Variants in DSCAML1 observed in about 807,000 individuals in gnomAD.
DSCAML1 encodes cell adhesion molecule DSCAML1.
DSCAML1 carries 38 observed loss-of-function variants against 200.5 expected under a neutral mutation model. That is an observed-to-expected ratio of 0.19 (90% CI 0.15 to 0.25). DSCAML1 has a LOEUF of 0.25. Among genes scored for constraint, DSCAML1 ranks in the 10% least tolerant of loss-of-function variants. The probability of loss-of-function intolerance (pLI) is 1.00; values close to 1 mark genes in which losing one functional copy is unlikely to be tolerated. For synonymous variants in DSCAML1, 1,215 were observed against 1,165.0 expected (o/e 1.04, Z -0.87); for missense variants, 2,223 against 2,858.8 (o/e 0.78, Z 5.07).
chr11:117,675,336 T>A (rs1180674755), intron 3 of DSCAML1, among the ~76,000 whole-genome samples: 1 of 152,176 alleles, frequency 6.6e-6, no homozygotes, highest in African/African-American at 2.4e-5. Context: ...CTCGCTCTGT[T>A]GCTCAGGCTG....
At chr11:117,750,795 A>G (rs2054593320) in intron 3 of DSCAML1, among the ~76,000 whole-genome samples, 1 of 152,202 alleles carries the variant, frequency 6.6e-6, no homozygotes. Flanking sequence ...ACCTGAATTA[A>G]TCACTCAGGT....
At chr11:117,702,174 T>C (rs1352831687) in intron 3 of DSCAML1, among the ~76,000 whole-genome samples, 5 of 152,194 alleles carry the variant, frequency 3.3e-5, no homozygotes, top group African/African-American at 1.2e-4. Flanking sequence ...TAGGATCATG[T>C]TGGTCTCCCT....
intron 3 of DSCAML1, among the ~76,000 whole-genome samples, chr11:117,552,896 A>G (rs2050493580): frequency 6.6e-6 from 1 of 152,174 alleles, no homozygotes; most frequent in Non-Finnish European, 1.5e-5. Flanking sequence ...TCTGCTTACT[A>G]CAAGTGCGCG....
intron 19 of DSCAML1, among the ~76,000 whole-genome samples, chr11:117,458,437 T>G (rs1403423637): frequency 1.3e-5 from 2 of 152,134 alleles, no homozygotes; most frequent in African/African-American, 4.8e-5. Context: ...GGCTGAATCT[T>G]GCAGGGGAGC....
intron 11 of DSCAML1, among the ~76,000 whole-genome samples, chr11:117,484,367 C>T (rs1403766172): frequency 6.6e-6 from 1 of 152,182 alleles, no homozygotes; most frequent in Non-Finnish European, 1.5e-5. Context: ...CCTCTGCTGC[C>T]TTGTCATGCA....
chr11:117,569,073 A>G (rs2050803775), intron 3 of DSCAML1, among the ~76,000 whole-genome samples: 2 of 152,212 alleles, frequency 1.3e-5, no homozygotes, highest in African/African-American at 4.8e-5. Context: ...CCGCATATCT[A>G]CAACTATCTG....
chr11:117,792,780 T>A (rs2055495277), intron 1 of DSCAML1, among the ~76,000 whole-genome samples: 1 of 152,124 alleles, frequency 6.6e-6, no homozygotes, highest in African/African-American at 2.4e-5. Context: ...CTCTTCACCC[T>A]CTTCTTCCTG....
At chr11:117,664,175 C>T (rs904647506) in intron 3 of DSCAML1, among the ~76,000 whole-genome samples, 1 of 152,242 alleles carries the variant, frequency 6.6e-6, no homozygotes, top group African/African-American at 2.4e-5. Context: ...GCGTTTCAGA[C>T]AAACAGCTCA....
intron 1 of DSCAML1, among the ~76,000 whole-genome samples, chr11:117,795,120 TG>T (rs35086765): frequency 0.21 from 32,282 of 152,080 alleles, 3,514 homozygotes; most frequent in Middle Eastern, 0.28. Context: ...GCCAGGCTCC[TG>T]GAAGGGGGAG....
At chr11:117,695,315 C>CTTT (rs753748981) in intron 3 of DSCAML1, among the ~76,000 whole-genome samples, 4,250 of 116,586 alleles carry the variant, frequency 0.036, 86 homozygotes, top group Middle Eastern at 0.057. Flanking sequence ...CTTTCTTTTT[C>CTTT]TTTTTTTTTT....
intron 11 of DSCAML1, among the ~76,000 whole-genome samples, chr11:117,486,184 T>G (rs2049045697): frequency 6.6e-6 from 1 of 152,174 alleles, no homozygotes; most frequent in Non-Finnish European, 1.5e-5. Context: ...AATCAGCCAA[T>G]TAGCTAAACT....
chr11:117,520,345 A>C (rs1354704843), intron 6 of DSCAML1, among the ~76,000 whole-genome samples: 2 of 152,186 alleles, frequency 1.3e-5, no homozygotes, highest in Non-Finnish European at 2.9e-5. Flanking sequence ...GAAACAAACA[A>C]ACAGGTAAAA....
Position 117,504,940 on chromosome 11 carries a change from C to T in DSCAML1, c.2166G>A (p.Met722Ile), listed in dbSNP as rs1344485654. The stretch of plus-strand genomic sequence containing the variant: ...GGGGCTTACCCTTGGCATGCTTCCA[C>T]ATGACCTTGGGTGGGGGGTAGCCGT... ...SVDGYPPPKV[M>I]WKHAKGSGNP... is the part of the protein sequence containing the mutation. The change falls in exon 10 of 33, where the codon ATG becomes ATA. Residue 722 changes from methionine (M) to isoleucine (I), a missense_variant. By Grantham distance (10) the Met-to-Ile change is conservative. Around this residue, in one of 7 missense-constraint regions of DSCAML1, gnomAD observed 212 missense variants for 368.0 expected, o/e 0.58. Coordinates refer to ENST00000651296, the MANE Select transcript of DSCAML1 (RefSeq NM_020693.4). The surrounding 1 kb of genome is among the most constrained non-coding windows in gnomAD (Gnocchi z 5.0). 6.2e-7 allele frequency: 1 copy of T among 1,609,862 alleles called. No individual in the cohort carries two copies. Among genetic ancestry groups the T allele is most frequent in the Non-Finnish European group, 8.5e-7 (1 of 1,177,340 alleles).
intron 3 of DSCAML1, among the ~76,000 whole-genome samples, chr11:117,538,868 G>A (rs1032975017): frequency 2.0e-4 from 31 of 152,172 alleles, no homozygotes; most frequent in Non-Finnish European, 2.1e-4. Context: ...TCCCACTGCA[G>A]TCTCTAGAGC....
In DSCAML1 at chr11:117,525,057, G is replaced by C. The variant is rs891296556; in HGVS notation, c.685C>G (p.Leu229Val). 2 of 1,579,448 alleles carry C rather than the reference G, an allele frequency of 1.3e-6. No homozygotes were observed. The highest frequency in any genetic ancestry group is 2.7e-5 in the African/African-American group (2 of 74,090). ...ACTTCCTGGGAGTGGAAGCCATCCA[G>C]GATGGTGGGGATCGACTCAGCAGGG... Reference protein sequence around the residue: ...TDPAESIPTILDGFHSQEVWA... With the variant: ...TDPAESIPTIVDGFHSQEVWA... The change falls in exon 5 of 33, where the codon CTG becomes GTG. Residue 229 changes from leucine to valine, a missense_variant. This residue lies in a region of DSCAML1 where 579 missense variants were observed against 721.5 expected (regional missense o/e 0.80). Coordinates refer to ENST00000651296, the MANE Select transcript of DSCAML1 (RefSeq NM_020693.4).
At chr11:117,548,032 C>A (rs2050407328) in intron 3 of DSCAML1, among the ~76,000 whole-genome samples, 3 of 152,234 alleles carry the variant, frequency 2.0e-5, no homozygotes, top group Non-Finnish European at 4.4e-5. Context: ...TCACTGCATA[C>A]TCGTCTCTAC....
At chr11:117,517,275 G>A (rs947314115) in intron 7 of DSCAML1, among the ~76,000 whole-genome samples, 15 of 152,210 alleles carry the variant, frequency 9.9e-5, no homozygotes, top group African/African-American at 3.6e-4. Flanking sequence ...TGTATTGTAG[G>A]CCCCTGGGAA....
chr11:117,442,212 TTA>T (rs910022306), intron 21 of DSCAML1, among the ~76,000 whole-genome samples: 5 of 145,642 alleles, frequency 3.4e-5, no homozygotes, highest in African/African-American at 1.3e-4. Context: ...TGTGCATGTA[TTA>T]GTGTGTCTAG....
At chr11:117,675,994 A>G (rs888227476) in intron 3 of DSCAML1, among the ~76,000 whole-genome samples, 3 of 152,050 alleles carry the variant, frequency 2.0e-5, no homozygotes, top group African/African-American at 4.8e-5. Flanking sequence ...GGGAACTGGG[A>G]AGTAGAGGAG....
Sources: allele counts gnomAD v4.1 joint callset (sites outside exome capture counted in the v4.1 genomes callset), GRCh38; gene constraint gnomAD v4.1.1; regional missense constraint gnomAD v4.1.1; non-coding constraint Gnocchi (gnomAD v3.1); transcripts MANE v1.5; gene names NCBI Gene and HGNC (gene_info 2026-07-23, HGNC 2026-07-21).